The following MYD88 variants were observed in gnomAD, a reference collection of about 807,000 sequenced individuals.
MYD88 encodes MYD88 innate immune signal transduction adaptor, also known as myeloid differentiation primary response protein MyD88.
Under a neutral mutation model 31.1 loss-of-function variants are expected in MYD88, and 15 were observed. That is an observed-to-expected ratio of 0.48 (90% CI 0.32 to 0.74). The LOEUF (loss-of-function observed/expected upper bound fraction) is 0.74. Ranked by LOEUF, MYD88 falls within the 30% of genes least tolerant of loss-of-function variation. The probability of loss-of-function intolerance (pLI) is 0.03; values close to 1 mark genes in which losing one functional copy is unlikely to be tolerated. For synonymous variants in MYD88, 157 were observed against 158.8 expected, an observed-to-expected ratio of 0.99 and a Z score of 0.08; for missense variants, 308 against 387.4, an observed-to-expected ratio of 0.79 and a Z score of 1.72.
intron 2 of MYD88, 106 bp from the exon 3 acceptor site, chr3:38,140,282 G>T: frequency 1.5e-6 from 2 of 1,292,554 alleles, no homozygotes; most frequent in South Asian, 1.2e-5. Flanking sequence ...GTATCATCTT[G>T]GGAAGGGTGC....
chr3:38,140,549 A>T lies in MYD88; in HGVS notation c.625A>T (p.Ser209Cys), dbSNP rs2125778864. ...LPGTCVWSIASELIEKRCRRM... is the reference protein window; with the variant it reads ...LPGTCVWSIACELIEKRCRRM... ...TGGCACCTGTGTCTGGTCTATTGCT[A>T]GTGAGCTCATCGAAAAGAGGTTGGC... is the stretch of plus-strand genomic sequence containing the variant. The change falls in exon 3 of 5, where the codon AGT (serine) becomes TGT (cysteine). Residue 209 changes from serine to cysteine, a missense_variant. Ser to Cys is a moderately radical substitution (Grantham distance 112). Coordinates refer to ENST00000650905, the MANE Select transcript of MYD88 (RefSeq NM_002468.5). 6.2e-7 allele frequency: 1 copy of T among 1,614,192 alleles called. No homozygotes were observed. Among genetic ancestry groups the T allele is most frequent in the Non-Finnish European group, 8.5e-7 (1 of 1,180,028 alleles).
chr3:38,141,034 G>A, intron 4 of MYD88, 98 bp from the exon 5 acceptor site: 2 of 1,547,992 alleles, frequency 1.3e-6, no homozygotes, highest in Non-Finnish European at 8.9e-7. Flanking sequence ...GGGGTACTTA[G>A]ATGGGGGATG....
In MYD88 at chr3:38,139,186, A is replaced by C; in HGVS notation, c.328+158A>C. On this transcript the variant is annotated intron_variant, in intron 1 of 4. Coordinates refer to ENST00000650905, the MANE Select transcript of MYD88 (RefSeq NM_002468.5). The surrounding 1 kb of genome is among the most constrained non-coding windows in gnomAD (Gnocchi z 4.7). ...ACCATGCGGGTCCCGTTCCTTCTTA[A>C]TAACCGGTCGCGGTTATTAAGAAGG... 1 of 1,029,948 alleles carries C rather than the reference A, an allele frequency of 9.7e-7. No homozygotes were observed. The highest frequency in any genetic ancestry group is 1.4e-6 in the Non-Finnish European group (1 of 730,970). The allele number at this position is 1,029,948 out of a possible 1,614,324, so 63.8% of individuals were successfully genotyped here.
At position 38,140,513 on chromosome 3, in the gene MYD88, G is replaced by A. The variant is rs775840670; in HGVS notation, c.589G>A (p.Asp197Asn). 1.4e-5 allele frequency: 22 copies of A among 1,614,114 alleles called. No homozygotes were observed. The Admixed American group carries it at 2.3e-4, about 17-fold the overall frequency. Reference sequence around the variant, plus strand: ...ACTGAAGTTGTGTGTGTCTGACCGCGATGTCCTGCCTGGCACCTGTGTCTG... The same window carrying A: ...ACTGAAGTTGTGTGTGTCTGACCGCAATGTCCTGCCTGGCACCTGTGTCTG... Reference protein sequence around the residue: ...YRLKLCVSDRDVLPGTCVWSI... With the variant: ...YRLKLCVSDRNVLPGTCVWSI... Residue 197 changes from aspartate to asparagine, a missense_variant, in exon 3 of 5, where the codon GAT (aspartate) becomes AAT (asparagine). Transcript: ENST00000650905.
chr3:38,140,462 C>A lies in MYD88; in HGVS notation c.538C>A (p.Arg180=), dbSNP rs201772694. 3 of 1,614,200 alleles carry A rather than the reference C, an allele frequency of 1.9e-6. No homozygotes were observed. Among genetic ancestry groups the A allele is most frequent in the Admixed American group, 3.3e-5 (2 of 60,026 alleles). ...SDIQFVQEMI[R]QLEQTNYRLK... is the part of the protein sequence containing the mutation. ...CATCCAGTTTGTGCAGGAGATGATC[C>A]GGCAACTGGAACAGACAAACTATCG... is the stretch of plus-strand genomic sequence containing the variant. The change falls in exon 3 of 5, where the codon CGG becomes AGG. Residue 180 remains arginine (R), a synonymous_variant. Transcript: ENST00000650905.
chr3:38,138,853 G>A lies in MYD88; in HGVS notation c.153G>A (p.Ala51=), dbSNP rs2125775637. The part of the protein sequence containing the change: ...TQVAADWTAL[A]EEMDFEYLEI... ...TGGCGGCCGACTGGACCGCGCTGGC[G>A]GAGGAGATGGACTTTGAGTACTTGG... Residue 51 remains alanine, a synonymous_variant, in exon 1 of 5, where the codon GCG becomes GCA. Coordinates refer to ENST00000650905, the MANE Select transcript of MYD88 (RefSeq NM_002468.5). The surrounding 1 kb of genome is among the most constrained non-coding windows in gnomAD (Gnocchi z 6.4). 2 of 1,613,818 alleles carry A rather than the reference G, an allele frequency of 1.2e-6. No homozygotes were observed. Among genetic ancestry groups the A allele is most frequent in the Non-Finnish European group, 1.7e-6 (2 of 1,180,008 alleles).
At position 38,142,420 on chromosome 3, in the gene MYD88, C is replaced by G. The variant is rs1701101712; in HGVS notation, c.*1134C>G. Reference sequence around the variant, plus strand: ...AAGTCCCATCACTGAGGGAGCCTAACCATGTCCCTGAACAAAAATTGGGCA... The same window carrying G: ...AAGTCCCATCACTGAGGGAGCCTAAGCATGTCCCTGAACAAAAATTGGGCA... On this transcript the variant is annotated 3_prime_UTR_variant, in exon 5 of 5. Coordinates refer to ENST00000650905, the MANE Select transcript of MYD88 (RefSeq NM_002468.5). The G allele has an allele frequency of 8.6e-6, 2 of 233,206 alleles. No homozygotes were observed. Among genetic ancestry groups the G allele is most frequent in the Non-Finnish European group, 1.7e-5 (2 of 118,070 alleles). The allele number at this position is 233,206 out of a possible 1,614,324, so 14.4% of individuals were successfully genotyped here. A position where few individuals can be genotyped will look rare whatever the true frequency, so the allele number is the denominator to read the frequency against.
rs780329767 is a variant in MYD88, at chr3:38,139,067, G to A, written c.328+39G>A. 6.3e-7 allele frequency: 1 copy of A among 1,585,998 alleles called. No homozygotes were observed. The highest frequency in any genetic ancestry group is 1.1e-5 in the South Asian group (1 of 89,996). On this transcript the variant is annotated intron_variant, in intron 1 of 4. Coordinates refer to ENST00000650905, the MANE Select transcript of MYD88 (RefSeq NM_002468.5). This position sits in a 1 kb window ranked among gnomAD's most constrained non-coding sequence, Gnocchi z 4.7. ...CTTCCTGGCCTCGTACCTGGGGGGT[G>A]AGGAGGCTGACTTTCCGCGGCCTCA...
At position 38,140,516 on chromosome 3, in the gene MYD88, G is replaced by A. The variant is rs1701052031; in HGVS notation, c.592G>A (p.Val198Ile). Residue 198 changes from valine to isoleucine, a missense_variant, in exon 3 of 5, where the codon GTC becomes ATC. Val to Ile is a conservative substitution (Grantham distance 29, BLOSUM62 3). Coordinates refer to ENST00000650905, the MANE Select transcript of MYD88 (RefSeq NM_002468.5). ...RLKLCVSDRD[V>I]LPGTCVWSIA... ...GAAGTTGTGTGTGTCTGACCGCGAT[G>A]TCCTGCCTGGCACCTGTGTCTGGTC... 1 of 1,614,238 alleles carries A rather than the reference G, an allele frequency of 6.2e-7. No homozygotes were observed. Among genetic ancestry groups the A allele is most frequent in the Non-Finnish European group, 8.5e-7 (1 of 1,180,044 alleles).
In MYD88 at chr3:38,142,876, C is replaced by T. The variant is rs1261611781; in HGVS notation, c.*1590C>T. 1 of 233,140 alleles carries T rather than the reference C, an allele frequency of 4.3e-6. No homozygotes were observed. The highest frequency in any genetic ancestry group is 5.6e-5 in the Admixed American group (1 of 17,784). 14.4% of individuals were successfully genotyped at this position (233,140 alleles called of 1,614,324 possible). A position where few individuals can be genotyped will look rare whatever the true frequency, so the allele number is the denominator to read the frequency against. ...TTAATACTGGGCATTTTAAAGCCAT[C>T]TCAAGAGGCATCTTCTACATGTTTT... is the stretch of plus-strand genomic sequence containing the variant. On this transcript the variant is annotated 3_prime_UTR_variant, in exon 5 of 5. Coordinates refer to ENST00000650905, the MANE Select transcript of MYD88 (RefSeq NM_002468.5).
At position 38,138,695 on chromosome 3, in the gene MYD88, C is replaced by G; in HGVS notation, c.-6C>G. 1 of 1,598,044 alleles carries G rather than the reference C, an allele frequency of 6.3e-7. No individual in the cohort carries two copies. The highest frequency in any genetic ancestry group is 1.1e-5 in the South Asian group (1 of 90,434). ...CGACCGCGCTGAGGCTCCAGGACCG[C>G]CCGCCATGGCTGCAGGAGGTCCCGG... On this transcript the variant is annotated 5_prime_UTR_variant, in exon 1 of 5. Coordinates refer to ENST00000650905, the MANE Select transcript of MYD88 (RefSeq NM_002468.5). This position sits in a 1 kb window ranked among gnomAD's most constrained non-coding sequence, Gnocchi z 6.4.
rs1193857710 is a variant in MYD88 at position 38,138,661 on chromosome 3, A to C, written c.-40A>C. The C allele has an allele frequency of 6.5e-7, 1 of 1,546,334 alleles. No homozygotes were observed. On this transcript the variant is annotated 5_prime_UTR_variant, in exon 1 of 5. Transcript: ENST00000650905. This position sits in a 1 kb window ranked among gnomAD's most constrained non-coding sequence, Gnocchi z 6.4. Reference sequence around the variant, plus strand: ...GGAGAAAGAGGAAGCGCTGGCAGACAATGCGACCCGACCGCGCTGAGGCTC... The same window carrying C: ...GGAGAAAGAGGAAGCGCTGGCAGACCATGCGACCCGACCGCGCTGAGGCTC...
Position 38,141,557 on chromosome 3 carries a change from G to A in MYD88, c.*271G>A. 1.8e-6 allele frequency: 1 copy of A among 546,678 alleles called. No homozygotes were observed. 33.9% of individuals were successfully genotyped at this position (546,678 alleles called of 1,614,324 possible). On this transcript the variant is annotated 3_prime_UTR_variant, in exon 5 of 5. Transcript: ENST00000650905. Reference sequence around the variant, plus strand: ...GCTGAGACTAAGAAGGACCAGCAGAGCCAGCTCAGCTCTGAGCCATTCACA... The same window carrying A: ...GCTGAGACTAAGAAGGACCAGCAGAACCAGCTCAGCTCTGAGCCATTCACA...
At position 38,139,215 on chromosome 3, in the gene MYD88, G is replaced by A; in HGVS notation, c.328+187G>A. The A allele has an allele frequency of 2.5e-6, 2 of 799,540 alleles. No homozygotes were observed. Among genetic ancestry groups the A allele is most frequent in the Non-Finnish European group, 3.8e-6 (2 of 520,976 alleles). 49.5% of individuals were successfully genotyped at this position (799,540 alleles called of 1,614,324 possible). On this transcript the variant is annotated intron_variant, in intron 1 of 4. Transcript: ENST00000650905. The surrounding 1 kb of genome is among the most constrained non-coding windows in gnomAD (Gnocchi z 4.7). ...CCGGTCGCGGTTATTAAGAAGGACT[G>A]GAGAAAGGTCCGGATAGGCGGAGAT... is the stretch of plus-strand genomic sequence containing the variant.
chr3:38,140,935 G>C, intron 4 of MYD88, 87 bp downstream of exon 4: 1 of 1,417,062 alleles, frequency 7.1e-7, no homozygotes, highest in Non-Finnish European at 1.0e-6. Context: ...CAAGGACTGT[G>C]GATGCAGTAC....
Position 38,140,563 on chromosome 3 carries a change from A to T in MYD88, c.639A>T (p.Glu213Asp). 1 of 1,614,142 alleles carries T rather than the reference A, an allele frequency of 6.2e-7. No homozygotes were observed. Among genetic ancestry groups the T allele is most frequent in the South Asian group, 1.1e-5 (1 of 91,074 alleles). ...CVWSIASELIEKRCRRMVVVV... is the reference protein window; with the variant it reads ...CVWSIASELIDKRCRRMVVVV... ...GGTCTATTGCTAGTGAGCTCATCGA[A>T]AAGAGGTTGGCTAGAAGGCCACGGG... The change falls in exon 3 of 5, where the codon GAA (glutamate) becomes GAT (aspartate). Residue 213 changes from glutamate to aspartate, a missense_variant. By Grantham distance (45) the Glu-to-Asp change is conservative. Coordinates refer to ENST00000650905, the MANE Select transcript of MYD88 (RefSeq NM_002468.5).
At chr3:38,140,979 C>T in intron 4 of MYD88, 131 bp downstream of exon 4, 1 of 1,312,806 alleles carries the variant, frequency 7.6e-7, no homozygotes, top group Non-Finnish European at 1.1e-6. Context: ...CACACCTGAG[C>T]ATGTGTGCAT....
In MYD88 at chr3:38,141,373, A is replaced by G; in HGVS notation, c.*87A>G. The G allele has an allele frequency of 6.5e-7, 1 of 1,543,814 alleles. No homozygotes were observed. The highest frequency in any genetic ancestry group is 1.1e-5 in the South Asian group (1 of 89,442). On this transcript the variant is annotated 3_prime_UTR_variant, in exon 5 of 5. Transcript: ENST00000650905. ...GCCTCCTCCTTTCGTTGTAGGAGGA[A>G]TCTGTGCTCTACTTACCTCTCAATT...
chr3:38,140,992 G>GT (rs1701066322), intron 4 of MYD88, 140 bp from the exon 5 acceptor site: 8 of 1,363,672 alleles, frequency 5.9e-6, no homozygotes, highest in Non-Finnish European at 8.4e-6. Flanking sequence ...GTGTGCATGT[G>GT]TGTGCCTTTT....
Sources: allele counts gnomAD v4.1 joint callset, GRCh38; gene constraint gnomAD v4.1.1; non-coding constraint Gnocchi (gnomAD v3.1); transcripts MANE v1.5; gene names NCBI Gene and HGNC (gene_info 2026-07-23, HGNC 2026-07-21).